Variants in SREK1 observed in about 807,000 individuals in gnomAD.
SREK1 encodes the protein splicing regulatory glutamine/lysine-rich protein 1.
In SREK1, 13 loss-of-function variants were observed where a neutral mutation model predicts 66.5. The ratio of observed to expected loss-of-function variants is 0.20; its 90% CI spans 0.13 to 0.31. The LOEUF is 0.31. Among genes scored for constraint, SREK1 ranks in the 10% least tolerant of loss-of-function variants. The probability of loss-of-function intolerance (pLI) is 1.00; values close to 1 mark genes in which losing one functional copy is unlikely to be tolerated. For synonymous variants in SREK1, 265 were observed against 263.5 expected (o/e 1.01, Z -0.05); for missense variants, 607 against 769.6 (o/e 0.79, Z 2.50).
intron 7 of SREK1, chr5:66,169,786 TACTGATTTGAGGCATAAAATG>T (rs1236937840): frequency 3.2e-5 from 7 of 217,436 alleles, no homozygotes; most frequent in Non-Finnish European, 6.4e-5. Context: ...AAATCTTCTA[TACTGATTTGAGGCATAAAATG>T]ACTAGCAAAA....
chr5:66,144,334 C>A lies in SREK1; in HGVS notation c.-43C>A. On this transcript the variant is annotated 5_prime_UTR_variant, in exon 1 of 12. Coordinates refer to ENST00000334121, the MANE Select transcript of SREK1 (RefSeq NM_001077199.3). ...TTTCCCGGCTCCGTCGCTGACGCGT[C>A]GTAGACGTTGGGGAGCGGGAAGGCA... is the stretch of plus-strand genomic sequence containing the variant. 3.4e-6 allele frequency: 5 copies of A among 1,460,012 alleles called. No individual in the cohort carries two copies. Among genetic ancestry groups the A allele is most frequent in the Non-Finnish European group, 4.6e-6 (5 of 1,078,752 alleles). 90.4% of individuals were successfully genotyped at this position (1,460,012 alleles called of 1,614,324 possible).
intron 6 of SREK1, 94 bp downstream of exon 6, chr5:66,164,016 T>G (rs1450042299): frequency 6.3e-6 from 9 of 1,435,848 alleles, no homozygotes; most frequent in Non-Finnish European, 8.5e-6. Flanking sequence ...TTCAGTCACT[T>G]CATTTTACAA....
intron 11 of SREK1, 60 bp downstream of exon 11, chr5:66,177,718 T>G: frequency 7.0e-7 from 1 of 1,427,998 alleles, no homozygotes; most frequent in South Asian, 1.6e-5. Context: ...ATACAAATGG[T>G]TTTAGACTGA....
rs1459435029 is a variant in SREK1, at chr5:66,159,289, T to C, written c.366T>C (p.Pro122=). 6.2e-7 allele frequency: 1 copy of C among 1,613,628 alleles called. No individual in the cohort carries two copies. The part of the protein sequence containing the change: ...APAPTMTSLM[P]GAGLLPIPTP... ...CTCCAACCATGACAAGTCTGATGCC[T>C]GGTGCAGGATTGCTTCCAATACCGA... is the stretch of plus-strand genomic sequence containing the variant. The change falls in exon 3 of 12, where the codon CCT becomes CCC. Residue 122 remains proline (P), a synonymous_variant. Coordinates refer to ENST00000334121, the MANE Select transcript of SREK1 (RefSeq NM_001077199.3).
chr5:66,173,401 C>T (rs750421255), intron 9 of SREK1, among the ~76,000 whole-genome samples: 1 of 152,160 alleles, frequency 6.6e-6, no homozygotes, highest in Non-Finnish European at 1.5e-5. Flanking sequence ...ATGCTTTGCA[C>T]ATTACAGATT....
At chr5:66,153,777 T>C in intron 2 of SREK1, 181 bp downstream of exon 2, 1 of 662,466 alleles carries the variant, frequency 1.5e-6, no homozygotes, top group Non-Finnish European at 2.4e-6. Flanking sequence ...ATTTATGACA[T>C]GTACATTTGA....
intron 2 of SREK1, chr5:66,156,242 T>C: frequency 2.3e-6 from 3 of 1,300,158 alleles, no homozygotes; most frequent in Non-Finnish European, 2.9e-6. Context: ...TTCATTTCTT[T>C]TTCTTTATTT....
chr5:66,177,693 A>C, intron 11 of SREK1, 35 bp downstream of exon 11: 2 of 1,554,534 alleles, frequency 1.3e-6, no homozygotes, highest in Non-Finnish European at 1.7e-6. Context: ...GGCACTTGAA[A>C]TGGTTCTTTA....
chr5:66,162,087 G>GT (rs749500806), intron 3 of SREK1, 22 bp from the exon 4 acceptor site: 79 of 1,603,234 alleles, frequency 4.9e-5, no homozygotes, highest in South Asian at 5.6e-5. Flanking sequence ...TGTTCTGTGT[G>GT]TTTTTTTTCT....
chr5:66,144,341 G>A lies in SREK1; in HGVS notation c.-36G>A, dbSNP rs765105500. Reference sequence around the variant, plus strand: ...GCTCCGTCGCTGACGCGTCGTAGACGTTGGGGAGCGGGAAGGCAACGGCAG... The same window carrying A: ...GCTCCGTCGCTGACGCGTCGTAGACATTGGGGAGCGGGAAGGCAACGGCAG... On this transcript the variant is annotated 5_prime_UTR_variant, in exon 1 of 12. Transcript: ENST00000334121. 8 of 1,494,722 alleles carry A rather than the reference G, an allele frequency of 5.4e-6. No homozygotes were observed. The highest frequency in any genetic ancestry group is 1.4e-5 in the African/African-American group (1 of 71,284). 92.6% of individuals were successfully genotyped at this position (1,494,722 alleles called of 1,614,324 possible).
In SREK1 at chr5:66,160,109, G is replaced by A. The variant is rs575926544; in HGVS notation, c.411+775G>A. On this transcript the variant is annotated intron_variant, in intron 3 of 11. Coordinates refer to ENST00000334121, the MANE Select transcript of SREK1 (RefSeq NM_001077199.3). Reference sequence around the variant, plus strand: ...TGCGCCACTGCACTCCAGCCTGGGCGACAGAGGGAGAGTCTCAAAAAAAAA... The same window carrying A: ...TGCGCCACTGCACTCCAGCCTGGGCAACAGAGGGAGAGTCTCAAAAAAAAA... Among the ~76,000 whole-genome samples the A allele has an allele frequency of 5.3e-5, 8 of 151,214 alleles. No homozygotes were observed. In the South Asian group the frequency reaches 1.5e-3, roughly 28 times the overall value.
At chr5:66,176,904 TTTTG>T (rs1746099794) in intron 10 of SREK1, among the ~76,000 whole-genome samples, 1 of 152,106 alleles carries the variant, frequency 6.6e-6, no homozygotes, top group Admixed American at 6.6e-5. Flanking sequence ...CAGAGGGGTC[TTTTG>T]TTTATTTGCT....
In SREK1 at chr5:66,183,302, T is replaced by C. The variant is rs542701543; in HGVS notation, c.*4434T>C. On this transcript the variant is annotated 3_prime_UTR_variant, in exon 12 of 12. Coordinates refer to ENST00000334121, the MANE Select transcript of SREK1 (RefSeq NM_001077199.3). ...TTGATTTCAACCATTTTGAGGGTAC[T>C]GGTAGGTAACACACTGTTGGGGAAT... is the stretch of plus-strand genomic sequence containing the variant. The C allele has an allele frequency of 5.3e-5, 8 of 152,302 alleles. No individual in the cohort carries two copies. Among genetic ancestry groups the C allele is most frequent in the African/African-American group, 1.7e-4 (7 of 41,570 alleles). The allele number at this position is 152,302 out of a possible 1,614,324, so 9.4% of individuals were successfully genotyped here. A position where few individuals can be genotyped will look rare whatever the true frequency, so the allele number is the denominator to read the frequency against.
rs1746477526 is a variant in SREK1, at chr5:66,181,412, T to A, written c.*2544T>A. The A allele has an allele frequency of 6.6e-6, 1 of 152,294 alleles. No individual in the cohort carries two copies. The highest frequency in any genetic ancestry group is 3.4e-3 in the Middle Eastern group (1 of 294). The allele number at this position is 152,294 out of a possible 1,614,324, so 9.4% of individuals were successfully genotyped here. A position where few individuals can be genotyped will look rare whatever the true frequency, so the allele number is the denominator to read the frequency against. ...TTCTTTTCTTTCAGGGTATTTTGTT[T>A]TTTTCTTTAAGACTTCTTTTTTTAA... On this transcript the variant is annotated 3_prime_UTR_variant, in exon 12 of 12. Coordinates refer to ENST00000334121, the MANE Select transcript of SREK1 (RefSeq NM_001077199.3).
Position 66,144,495 on chromosome 5 carries a change from C to G in SREK1, c.119C>G (p.Ser40Cys). 1.3e-6 allele frequency: 2 copies of G among 1,547,692 alleles called. No individual in the cohort carries two copies. The highest frequency in any genetic ancestry group is 1.7e-6 in the Non-Finnish European group (2 of 1,144,922). Residue 40 changes from serine (S) to cysteine (C), a missense_variant, in exon 1 of 12, where the codon TCC becomes TGC. Physicochemically the swap from Ser to Cys is moderately radical, Grantham distance 112 (BLOSUM62 -1). Coordinates refer to ENST00000334121, the MANE Select transcript of SREK1 (RefSeq NM_001077199.3). Reference sequence around the variant, plus strand: ...AGCGAGCAGATGCGGACGCTTTTTTCCTTCCTAGGAGAAATCGAGGAGCTG... The same window carrying G: ...AGCGAGCAGATGCGGACGCTTTTTTGCTTCCTAGGAGAAATCGAGGAGCTG... ...VTSEQMRTLF[S>C]FLGEIEELRL...
intron 6 of SREK1, chr5:66,164,506 C>T: frequency 8.4e-7 from 1 of 1,193,588 alleles, no homozygotes; most frequent in Non-Finnish European, 1.1e-6. Flanking sequence ...CTTAAAATCA[C>T]TGTCACAGGA....
chr5:66,167,304 A>G (rs1039985331), intron 7 of SREK1: 1 of 152,202 alleles, frequency 6.6e-6, no homozygotes, highest in Admixed American at 6.5e-5. Context: ...ATTGAGACAT[A>G]GAAAAGATGG....
chr5:66,168,556 T>G (rs1409639283), intron 7 of SREK1: 2 of 152,042 alleles, frequency 1.3e-5, no homozygotes, highest in African/African-American at 2.4e-5. Context: ...AGAGACGGGT[T>G]TCACTATGTT....
At chr5:66,161,136 T>G (rs943105225) in intron 3 of SREK1, among the ~76,000 whole-genome samples, 10 of 152,206 alleles carry the variant, frequency 6.6e-5, no homozygotes, top group African/African-American at 2.4e-4. Flanking sequence ...AGGGTTGATA[T>G]GAGGATTAAG....
Sources: allele counts gnomAD v4.1 joint callset (sites outside exome capture counted in the v4.1 genomes callset), GRCh38; gene constraint gnomAD v4.1.1; transcripts MANE v1.5; gene names NCBI Gene and HGNC (gene_info 2026-07-23, HGNC 2026-07-21).